The following C2orf42 variants were observed in gnomAD, a reference collection of about 807,000 sequenced individuals.
The protein encoded by C2orf42 is uncharacterized protein C2orf42.
A neutral mutation model predicts 58.9 loss-of-function variants in C2orf42; 44 were observed. The ratio of observed to expected loss-of-function variants is 0.75; its 90% CI spans 0.59 to 0.96. The LOEUF is 0.96. C2orf42 is among the 40% of genes least tolerant of loss of function. The pLI, the probability that C2orf42 is intolerant of heterozygous loss-of-function variation, is 0.00. For missense variants in C2orf42, 630 were observed against 699.2 expected (o/e 0.90, Z 1.12); for synonymous variants, 239 against 265.4 (o/e 0.90, Z 0.97).
chr2:70,172,575 A>T (rs1380638669), intron 5 of C2orf42, among the ~76,000 whole-genome samples: 1 of 152,072 alleles, frequency 6.6e-6, no homozygotes, highest in East Asian at 1.9e-4. Flanking sequence ...GCTACTTGGG[A>T]GGCTAAGGTG....
intron 5 of C2orf42, among the ~76,000 whole-genome samples, chr2:70,173,899 G>A (rs764105224): frequency 2.0e-5 from 3 of 151,972 alleles, no homozygotes; most frequent in Non-Finnish European, 4.4e-5. Context: ...CACATAAAAC[G>A]CCTTTTTCCT....
chr2:70,168,577 C>T (rs936005232), intron 6 of C2orf42, among the ~76,000 whole-genome samples: 4 of 150,916 alleles, frequency 2.7e-5, no homozygotes, highest in African/African-American at 4.9e-5. Flanking sequence ...CATGAGCCAC[C>T]GCACCCGGCT....
intron 5 of C2orf42, among the ~76,000 whole-genome samples, chr2:70,172,184 A>G (rs1673867310): frequency 6.8e-6 from 1 of 147,664 alleles, no homozygotes; most frequent in African/African-American, 2.5e-5. Context: ...AGATTGTGCC[A>G]CTGTACTCCA....
chr2:70,173,793 G>C, intron 5 of C2orf42, among the ~76,000 whole-genome samples: 1 of 150,426 alleles, frequency 6.6e-6, no homozygotes, highest in African/African-American at 2.4e-5. Flanking sequence ...ATTTTTTTTT[G>C]TTTTTTGTGT....
At chr2:70,184,570 T>C (rs1674802114) in intron 1 of C2orf42, among the ~76,000 whole-genome samples, 1 of 135,222 alleles carries the variant, frequency 7.4e-6, no homozygotes, top group Middle Eastern at 3.9e-3. Flanking sequence ...AGCCTTGACC[T>C]CCCAAGGTCA....
At chr2:70,189,383 G>GCGACAGC (rs1428035169) in intron 1 of C2orf42, among the ~76,000 whole-genome samples, 2 of 111,900 alleles carry the variant, frequency 1.8e-5, no homozygotes, top group Non-Finnish European at 1.7e-5. Context: ...TCCAGCCTGG[G>GCGACAGC]GAACAAGAGA....
At chr2:70,150,913 T>C (rs1672268759) in intron 9 of C2orf42, among the ~76,000 whole-genome samples, 1 of 152,126 alleles carries the variant, frequency 6.6e-6, no homozygotes, top group Non-Finnish European at 1.5e-5. Context: ...ACCTGGCTAA[T>C]TTTTTGTATT....
At position 70,169,668 on chromosome 2, in the gene C2orf42, A is replaced by G. The variant is rs755776029; in HGVS notation, c.1040-7T>C. ...TCTAACAGCTGACCACAGGCTAGGG[A>G]AAAAAAAACCACACATACACACTTC... On this transcript the variant is annotated splice_polypyrimidine_tract_variant and splice_region_variant and intron_variant, in intron 5 of 9. Transcript: ENST00000264434. The G allele has an allele frequency of 4.0e-5, 57 of 1,429,494 alleles. No individual in the cohort carries two copies. The highest frequency in any genetic ancestry group is 3.5e-4 in the Middle Eastern group (2 of 5,740). The allele number at this position is 1,429,494 out of a possible 1,614,324, so 88.6% of individuals were successfully genotyped here.
At chr2:70,182,026 G>C in intron 2 of C2orf42, 29 bp from the exon 3 acceptor site, 1 of 999,346 alleles carries the variant, frequency 1.0e-6, no homozygotes, top group Non-Finnish European at 1.5e-6. Context: ...CCAACAGTAT[G>C]AGTATACCTT....
chr2:70,176,004 C>T (rs1674167240), intron 4 of C2orf42, among the ~76,000 whole-genome samples: 1 of 152,162 alleles, frequency 6.6e-6, no homozygotes, highest in South Asian at 2.1e-4. Flanking sequence ...AAAAAATTCA[C>T]TTATTGCTCC....
At chr2:70,188,476 C>T (rs1044319821) in intron 1 of C2orf42, among the ~76,000 whole-genome samples, 2 of 152,180 alleles carry the variant, frequency 1.3e-5, no homozygotes, top group African/African-American at 4.8e-5. Flanking sequence ...AGGCGTGAGC[C>T]GCTATGCCTG....
chr2:70,150,550 C>G lies in C2orf42; in HGVS notation c.1531G>C (p.Asp511His), dbSNP rs1249800737. 5.0e-6 allele frequency: 8 copies of G among 1,613,278 alleles called. No individual in the cohort carries two copies. The highest frequency in any genetic ancestry group is 6.8e-6 in the Non-Finnish European group (8 of 1,179,278). ...ATGAAAGGTGTTGGCTCCTTTTGAT[C>G]TGGGGAAGTGTTGCCTAAAGAGAAG... is the stretch of plus-strand genomic sequence containing the variant. ...TFLKVGNTSP[D>H]QKEPTPFIIE... The change falls in exon 10 of 10, where the codon GAT becomes CAT. Residue 511 changes from aspartate (D) to histidine (H), a missense_variant. Asp to His is a moderately conservative substitution (Grantham distance 81). Coordinates refer to ENST00000264434, the MANE Select transcript of C2orf42 (RefSeq NM_017880.3).
intron 3 of C2orf42, among the ~76,000 whole-genome samples, chr2:70,180,029 C>T (rs181552339): frequency 2.6e-5 from 4 of 152,248 alleles, no homozygotes; most frequent in East Asian, 1.9e-4. Context: ...CGGTGGCTCA[C>T]GTCTGTAATC....
intron 1 of C2orf42, among the ~76,000 whole-genome samples, chr2:70,187,141 TTC>T (rs1218157524): frequency 6.6e-6 from 1 of 152,106 alleles, no homozygotes; most frequent in Non-Finnish European, 1.5e-5. Flanking sequence ...AAAAAAACCT[TTC>T]TGTCATTAAG....
At chr2:70,162,673 G>A (rs936488913) in intron 8 of C2orf42, among the ~76,000 whole-genome samples, 1 of 151,862 alleles carries the variant, frequency 6.6e-6, no homozygotes, top group Non-Finnish European at 1.5e-5. Flanking sequence ...GGGCCTCGCT[G>A]TGTTGCCTAG....
intron 9 of C2orf42, among the ~76,000 whole-genome samples, chr2:70,151,343 CAAG>C (rs1229680096): frequency 1.3e-5 from 2 of 152,114 alleles, no homozygotes; most frequent in East Asian, 3.9e-4. Flanking sequence ...TACAAGAAAA[CAAG>C]AAGGATAGGC....
At position 70,153,550 on chromosome 2, in the gene C2orf42, G is replaced by T. The variant is rs372215201; in HGVS notation, c.1517-2986C>A. 2.6e-4 allele frequency among the ~76,000 whole-genome samples: 39 copies of T among 150,238 alleles called. 2 individuals are homozygous for T. The highest frequency in any genetic ancestry group is 6.8e-3 in the Middle Eastern group (2 of 294). On this transcript the variant is annotated intron_variant, in intron 9 of 9. Coordinates refer to ENST00000264434, the MANE Select transcript of C2orf42 (RefSeq NM_017880.3). ...ATTTTTTTGTATTTTTAGTAGAGAT[G>T]GGGTTTCACCATGTTAGCCAGGATG...
Position 70,150,514 on chromosome 2 carries a change from T to C in C2orf42, c.1567A>G (p.Ile523Val). ...KEPTPFIIEW[I>V]PDILPQSKIG... ...TTAGATTGGGGAAGGATATCTGGGA[T>C]CCACTCGATGATGAAAGGTGTTGGC... Residue 523 changes from isoleucine (I) to valine (V), a missense_variant, in exon 10 of 10, where the codon ATC becomes GTC. Coordinates refer to ENST00000264434, the MANE Select transcript of C2orf42 (RefSeq NM_017880.3). 1.9e-6 allele frequency: 3 copies of C among 1,614,082 alleles called. No homozygotes were observed. The highest frequency in any genetic ancestry group is 2.5e-6 in the Non-Finnish European group (3 of 1,179,982).
chr2:70,171,360 C>T (rs1360017628), intron 5 of C2orf42, among the ~76,000 whole-genome samples: 1 of 152,112 alleles, frequency 6.6e-6, no homozygotes, highest in Non-Finnish European at 1.5e-5. Flanking sequence ...AACATGTATC[C>T]ATATGCCCCA....
Sources: gnomAD v4.1 joint callset for allele counts (sites outside exome capture counted in the v4.1 genomes callset) on GRCh38, gnomAD v4.1.1 for gene constraint, MANE v1.5 for transcripts, NCBI Gene and HGNC (gene_info 2026-07-23, HGNC 2026-07-21) for gene names.